Variants in SPAG17 observed in about 807,000 individuals in gnomAD.
SPAG17 encodes the protein sperm associated antigen 17.
In SPAG17, 169 loss-of-function variants were observed where a neutral mutation model predicts 273.6. The observed-to-expected ratio is 0.62, with a 90% CI of 0.55 to 0.70. The LOEUF (loss-of-function observed/expected upper bound fraction) is 0.70, where lower values mean the gene tolerates loss of function less well. SPAG17 is among the 30% of genes least tolerant of loss of function. The pLI, the probability that SPAG17 is intolerant of heterozygous loss-of-function variation, is 0.00. For missense variants in SPAG17, 2,557 were observed against 2,627.8 expected, an observed-to-expected ratio of 0.97 and a Z score of 0.59; for synonymous variants, 825 against 873.2, an observed-to-expected ratio of 0.94 and a Z score of 0.97.
chr1:118,006,440 T>C (rs1455789805), intron 31 of SPAG17, among the ~76,000 whole-genome samples: 2 of 152,270 alleles, frequency 1.3e-5, no homozygotes, highest in African/African-American at 4.8e-5. Flanking sequence ...TTCCATTTTA[T>C]GGATAAGTAA....
intron 4 of SPAG17, among the ~76,000 whole-genome samples, chr1:118,113,790 T>C (rs1354840801): frequency 2.6e-5 from 4 of 152,150 alleles, no homozygotes; most frequent in Non-Finnish European, 5.9e-5. Flanking sequence ...ATTATTAGAG[T>C]TCACATTTCA....
intron 10 of SPAG17, among the ~76,000 whole-genome samples, chr1:118,090,480 C>A (rs1252725139): frequency 6.6e-6 from 1 of 151,594 alleles, no homozygotes; most frequent in Non-Finnish European, 1.5e-5. Flanking sequence ...AAGAAACACT[C>A]GAAAAGAAAT....
chr1:117,988,686 AT>A (rs556029841), intron 38 of SPAG17, among the ~76,000 whole-genome samples: 79 of 151,998 alleles, frequency 5.2e-4, no homozygotes, highest in Non-Finnish European at 9.9e-4. Context: ...AGAGGAAAAG[AT>A]TTTCATGTTT....
intron 26 of SPAG17, among the ~76,000 whole-genome samples, chr1:118,026,976 T>C (rs993788267): frequency 2.0e-5 from 3 of 152,298 alleles, no homozygotes; most frequent in African/African-American, 2.4e-5. Flanking sequence ...ATTAACTACA[T>C]TGTCTACCCT....
intron 34 of SPAG17, 137 bp downstream of exon 34, chr1:117,996,233 C>G: frequency 1.1e-6 from 1 of 950,650 alleles, no homozygotes; most frequent in East Asian, 2.5e-5. Context: ...CAACTTATTT[C>G]TGCTCTACTT....
intron 3 of SPAG17, among the ~76,000 whole-genome samples, chr1:118,143,041 T>TA (rs1411729636): frequency 1.3e-5 from 2 of 152,132 alleles, no homozygotes; most frequent in Non-Finnish European, 2.9e-5. Flanking sequence ...CCATAAGAAT[T>TA]AAAAAACCCT....
intron 25 of SPAG17, among the ~76,000 whole-genome samples, chr1:118,030,291 T>A (rs1294855078): frequency 1.3e-5 from 2 of 152,210 alleles, no homozygotes. Flanking sequence ...TGGGTATTTT[T>A]AAACATTTTA....
chr1:118,136,198 C>T (rs1247833231), intron 3 of SPAG17, among the ~76,000 whole-genome samples: 2 of 152,120 alleles, frequency 1.3e-5, no homozygotes, highest in African/African-American at 4.8e-5. Context: ...AGAGCATTGC[C>T]TGTTTGAGAA....
intron 40 of SPAG17, among the ~76,000 whole-genome samples, 187 bp from the exon 41 acceptor site, chr1:117,984,969 C>A (rs1656248751): frequency 6.6e-6 from 1 of 152,168 alleles, no homozygotes; most frequent in Admixed American, 6.5e-5. Flanking sequence ...TAGAATCACT[C>A]ACATTTCCTA....
At chr1:118,049,258 G>A (rs1650723254) in intron 20 of SPAG17, among the ~76,000 whole-genome samples, 1 of 152,150 alleles carries the variant, frequency 6.6e-6, no homozygotes, top group African/African-American at 2.4e-5. Context: ...AGCTAGACAA[G>A]GACATTACAA....
intron 34 of SPAG17, 34 bp from the exon 35 acceptor site, chr1:117,994,564 C>T: frequency 6.3e-7 from 1 of 1,581,572 alleles, no homozygotes; most frequent in Non-Finnish European, 8.6e-7. Context: ...AGACCATTAC[C>T]CATTGAAAGT....
chr1:118,079,833 C>G (rs1654389912), intron 15 of SPAG17, among the ~76,000 whole-genome samples: 1 of 151,892 alleles, frequency 6.6e-6, no homozygotes. Flanking sequence ...AAATATTTCC[C>G]AATTTCTATT....
chr1:117,955,060 G>C (rs1651966449), intron 48 of SPAG17: 3 of 421,282 alleles, frequency 7.1e-6, no homozygotes, highest in Non-Finnish European at 1.3e-5. Flanking sequence ...TCTCATCACA[G>C]TAATTTTGTG....
chr1:118,146,241 G>A (rs1658982252), intron 3 of SPAG17, among the ~76,000 whole-genome samples: 1 of 152,126 alleles, frequency 6.6e-6, no homozygotes, highest in Admixed American at 6.5e-5. Context: ...GGCATCTATG[G>A]TACACGTAGA....
At chr1:118,039,035 T>C (rs1173034080) in intron 23 of SPAG17, among the ~76,000 whole-genome samples, 1 of 152,138 alleles carries the variant, frequency 6.6e-6, no homozygotes, top group African/African-American at 2.4e-5. Flanking sequence ...TTGAGAAATC[T>C]CTGTAACTTC....
In SPAG17 at chr1:118,029,867, G is replaced by A. The variant is rs144011237; in HGVS notation, c.3610-1473C>T. Among the ~76,000 whole-genome samples, 329 of 151,840 alleles carry A rather than the reference G, an allele frequency of 2.2e-3. 3 individuals carry two copies. The highest frequency in any genetic ancestry group is 6.5e-3 in the African/African-American group (268 of 41,412). ...TGCCTTTTCTTTGTCACTAACAGAG[G>A]AAAAATACATAAATAATTAGCTAAA... On this transcript the variant is annotated intron_variant, in intron 25 of 48. Transcript: ENST00000336338.
intron 3 of SPAG17, among the ~76,000 whole-genome samples, chr1:118,146,396 T>C (rs1042231299): frequency 3.3e-5 from 5 of 152,240 alleles, no homozygotes; most frequent in African/African-American, 1.2e-4. Context: ...AGAAAATTAT[T>C]TGTGCATAGG....
chr1:118,102,119 G>A (rs1436701397), intron 4 of SPAG17, among the ~76,000 whole-genome samples, 193 bp from the exon 5 acceptor site: 1 of 152,202 alleles, frequency 6.6e-6, no homozygotes, highest in African/African-American at 2.4e-5. Context: ...ATTTATGCAT[G>A]AGGACTGGAG....
At chr1:118,029,220 C>A (rs1648137608) in intron 25 of SPAG17, among the ~76,000 whole-genome samples, 1 of 152,044 alleles carries the variant, frequency 6.6e-6, no homozygotes, top group African/African-American at 2.4e-5. Context: ...AGTGACAGAG[C>A]AAGAAGTCCA....
Sources: gnomAD v4.1 joint callset for allele counts (sites outside exome capture counted in the v4.1 genomes callset) on GRCh38, gnomAD v4.1.1 for gene constraint, MANE v1.5 for transcripts, NCBI Gene and HGNC (gene_info 2026-07-23, HGNC 2026-07-21) for gene names.